The following CACNB4 variants were observed in gnomAD, a reference collection of about 807,000 sequenced individuals.
CACNB4 encodes voltage-dependent L-type calcium channel subunit beta-4.
In CACNB4, 32 loss-of-function variants were observed where a neutral mutation model predicts 71.2. That is an observed-to-expected ratio of 0.45 (90% CI 0.34 to 0.60). The LOEUF (loss-of-function observed/expected upper bound fraction) is 0.60. Ranked by LOEUF, CACNB4 falls within the 20% of genes least tolerant of loss-of-function variation. The pLI, the probability that CACNB4 is intolerant of heterozygous loss-of-function variation, is 0.01. For missense variants in CACNB4, 464 were observed against 647.9 expected, an observed-to-expected ratio of 0.72 and a Z score of 3.08; for synonymous variants, 231 against 236.9, an observed-to-expected ratio of 0.97 and a Z score of 0.23.
chr2:151,925,356 C>T (rs2099859964), intron 2 of CACNB4, among the ~76,000 whole-genome samples: 2 of 152,152 alleles, frequency 1.3e-5, no homozygotes, highest in Non-Finnish European at 2.9e-5. Context: ...TTCATTTGTA[C>T]ATGTGAAACA....
intron 11 of CACNB4, 173 bp from the exon 12 acceptor site, chr2:151,853,716 A>T: frequency 2.0e-6 from 1 of 497,536 alleles, no homozygotes; most frequent in Non-Finnish European, 3.5e-6. Flanking sequence ...ATTGGCTCTC[A>T]GTTCCATGGA....
chr2:152,022,131 C>T (rs562892302), intron 2 of CACNB4, among the ~76,000 whole-genome samples: 4 of 152,310 alleles, frequency 2.6e-5, no homozygotes, highest in South Asian at 2.1e-4. Context: ...CTTTGGCAAT[C>T]GGCTTATTGC....
At chr2:151,981,314 T>A (rs1225054386) in intron 2 of CACNB4, among the ~76,000 whole-genome samples, 1 of 139,474 alleles carries the variant, frequency 7.2e-6, no homozygotes, top group Non-Finnish European at 1.5e-5. Context: ...AAATTCACAC[T>A]GTGAGCCTTG....
At position 152,037,913 on chromosome 2, in the gene CACNB4, C is replaced by T. The variant is rs193156881; in HGVS notation, c.147+60417G>A. On this transcript the variant is annotated intron_variant, in intron 2 of 13. Transcript: ENST00000539935. ...CCAACTGCTACAGCAGGGAGCTGGCCGGGCCCCAGCCTGCAGTGAACACAG... is the reference window on the plus strand; with the variant it reads ...CCAACTGCTACAGCAGGGAGCTGGCTGGGCCCCAGCCTGCAGTGAACACAG... 7.2e-5 allele frequency among the ~76,000 whole-genome samples: 11 copies of T among 152,258 alleles called. No homozygotes were observed. The East Asian group carries it at 9.6e-4, about 13-fold the overall frequency.
chr2:151,987,139 A>G (rs1017688486), intron 2 of CACNB4, among the ~76,000 whole-genome samples: 9 of 152,232 alleles, frequency 5.9e-5, no homozygotes, highest in Non-Finnish European at 5.9e-5. Flanking sequence ...TAGGTAAAGT[A>G]TGAATCCAAA....
In CACNB4 at chr2:151,996,154, A is replaced by T. The variant is rs1044714155; in HGVS notation, c.147+102176T>A. 3.3e-5 allele frequency among the ~76,000 whole-genome samples: 5 copies of T among 152,230 alleles called. No homozygotes were observed. In the South Asian group the frequency reaches 6.2e-4, roughly 19 times the overall value. On this transcript the variant is annotated intron_variant, in intron 2 of 13. Coordinates refer to ENST00000539935, the MANE Select transcript of CACNB4 (RefSeq NM_000726.5). ...GTAATAGATACTAGTATGAAATTTT[A>T]AAAATCCATTTGCTTACAGGCTTCT...
chr2:152,076,479 A>T (rs1687033479), intron 2 of CACNB4, among the ~76,000 whole-genome samples: 1 of 151,900 alleles, frequency 6.6e-6, no homozygotes, highest in South Asian at 2.1e-4. Context: ...ATTTTTGTCC[A>T]TGCAAGAAGT....
At chr2:152,045,050 T>G (rs936459114) in intron 2 of CACNB4, among the ~76,000 whole-genome samples, 1 of 152,120 alleles carries the variant, frequency 6.6e-6, no homozygotes, top group African/African-American at 2.4e-5. Context: ...TTGGTCTGGC[T>G]TACAATTTCA....
At position 152,098,670 on chromosome 2, in the gene CACNB4, C is replaced by T. The variant is rs1208304325; in HGVS notation, c.64-257G>A. The T allele has an allele frequency of 1.3e-6, 2 of 1,560,624 alleles. No individual in the cohort carries two copies. The highest frequency in any genetic ancestry group is 1.7e-4 in the Middle Eastern group (1 of 5,956). On this transcript the variant is annotated intron_variant, in intron 1 of 13. Transcript: ENST00000539935. The surrounding 1 kb of genome is among the most constrained non-coding windows in gnomAD (Gnocchi z 5.3). ...TCCATTAACAAAGACTCTCAGGGTG[C>T]GGGGTCCGAGTCCCCGGCATCCGCT...
intron 2 of CACNB4, among the ~76,000 whole-genome samples, chr2:152,025,172 C>T (rs1323442515): frequency 6.6e-6 from 1 of 152,230 alleles, no homozygotes; most frequent in Non-Finnish European, 1.5e-5. Context: ...TTATCTATTG[C>T]TAGACAGTGA....
intron 2 of CACNB4, among the ~76,000 whole-genome samples, chr2:152,045,454 T>A (rs902683764): frequency 1.3e-5 from 2 of 152,200 alleles, no homozygotes; most frequent in African/African-American, 4.8e-5. Flanking sequence ...TCCATTTATA[T>A]GAGCTACCTA....
rs1308216361 is a variant in CACNB4, at chr2:151,889,206, T to G, written c.148-5836A>C. Among the ~76,000 whole-genome samples, 3 of 152,256 alleles carry G rather than the reference T, an allele frequency of 2.0e-5. No individual in the cohort carries two copies. The East Asian group carries it at 5.8e-4, about 29-fold the overall frequency. On this transcript the variant is annotated intron_variant, in intron 2 of 13. Coordinates refer to ENST00000539935, the MANE Select transcript of CACNB4 (RefSeq NM_000726.5). ...GCATTTGGCCAGGTGTGGTGGCTCA[T>G]GCCTGTAATCCCAGCATTTTGGGAG...
chr2:152,050,014 T>C (rs1001851873), intron 2 of CACNB4, among the ~76,000 whole-genome samples: 1 of 152,218 alleles, frequency 6.6e-6, no homozygotes, highest in African/African-American at 2.4e-5. Context: ...TTTAATCTGG[T>C]CTGCAGAATC....
intron 2 of CACNB4, among the ~76,000 whole-genome samples, chr2:152,023,486 A>C (rs773582311): frequency 2.0e-5 from 3 of 151,996 alleles, no homozygotes; most frequent in African/African-American, 7.2e-5. Flanking sequence ...CCCGGCTGGA[A>C]TGCAATGGCG....
At chr2:151,996,370 G>A (rs1682042085) in intron 2 of CACNB4, among the ~76,000 whole-genome samples, 1 of 151,608 alleles carries the variant, frequency 6.6e-6, no homozygotes, top group Admixed American at 6.6e-5. Flanking sequence ...ACCCCCTCAA[G>A]AGTCACTGTG....
chr2:151,976,090 G>A (rs543696628), intron 2 of CACNB4, among the ~76,000 whole-genome samples: 5 of 152,328 alleles, frequency 3.3e-5, no homozygotes, highest in Admixed American at 6.5e-5. Flanking sequence ...TGCAGTCAGC[G>A]AGTCTGACCA....
chr2:152,042,088 G>A (rs962849859), intron 2 of CACNB4, among the ~76,000 whole-genome samples: 1 of 152,284 alleles, frequency 6.6e-6, no homozygotes, highest in South Asian at 2.1e-4. Context: ...GCCATGCTGG[G>A]AAACAATACT....
At chr2:151,929,286 A>G (rs1047830005) in intron 2 of CACNB4, among the ~76,000 whole-genome samples, 12 of 152,174 alleles carry the variant, frequency 7.9e-5, no homozygotes, top group Non-Finnish European at 1.6e-4. Context: ...TTTTACTGCC[A>G]CTTACAGTAA....
rs2099834269 is a variant in CACNB4 at position 151,833,633 on chromosome 2, A to G, written c.*5486T>C. The G allele has an allele frequency of 6.6e-6, 1 of 152,126 alleles. No individual in the cohort carries two copies. Among genetic ancestry groups the G allele is most frequent in the East Asian group, 1.9e-4 (1 of 5,198 alleles). 9.4% of individuals were successfully genotyped at this position (152,126 alleles called of 1,614,324 possible). A position where few individuals can be genotyped will look rare whatever the true frequency, so the allele number is the denominator to read the frequency against. On this transcript the variant is annotated 3_prime_UTR_variant, in exon 14 of 14. Transcript: ENST00000539935. The stretch of plus-strand genomic sequence containing the variant: ...AGGCTATGAAATAAATTGCTGGAAA[A>G]GTATCAAGCAGCAAGTTAAAAAGAT...
Sources: gnomAD v4.1 joint callset for allele counts (sites outside exome capture counted in the v4.1 genomes callset) on GRCh38, gnomAD v4.1.1 for gene constraint, Gnocchi (gnomAD v3.1) non-coding constraint, MANE v1.5 for transcripts, NCBI Gene and HGNC (gene_info 2026-07-23, HGNC 2026-07-21) for gene names.